PACSIN2: variants seen among roughly 807,000 people sequenced by gnomAD.
PACSIN2 encodes protein kinase C and casein kinase substrate in neurons protein 2.
Under a neutral mutation model 63.8 loss-of-function variants are expected in PACSIN2, and 25 were observed. The ratio of observed to expected loss-of-function variants is 0.39; its 90% CI spans 0.29 to 0.55. The LOEUF (loss-of-function observed/expected upper bound fraction) is 0.55. PACSIN2 is among the 20% of genes least tolerant of loss of function. The probability of loss-of-function intolerance (pLI) is 0.62; values close to 1 mark genes in which losing one functional copy is unlikely to be tolerated. For synonymous variants in PACSIN2, 255 were observed against 256.2 expected (o/e 1.00, Z 0.05); for missense variants, 518 against 646.9 (o/e 0.80, Z 2.16).
intron 1 of PACSIN2, among the ~76,000 whole-genome samples, chr22:42,913,339 C>T (rs1226411593): frequency 3.9e-5 from 6 of 152,036 alleles, no homozygotes; most frequent in Admixed American, 3.3e-4. Context: ...ATTAGCCAAG[C>T]GTGGTGGCAT....
intron 1 of PACSIN2, among the ~76,000 whole-genome samples, chr22:42,967,793 C>A (rs1920983942): frequency 6.6e-6 from 1 of 152,148 alleles, no homozygotes; most frequent in Non-Finnish European, 1.5e-5. Flanking sequence ...GAGGCTGAGG[C>A]AGGAGAATGG....
intron 1 of PACSIN2, among the ~76,000 whole-genome samples, chr22:42,991,602 A>G (rs2146904110): frequency 6.6e-6 from 1 of 152,358 alleles, no homozygotes. Flanking sequence ...ATCCAATGAT[A>G]GAGCTCCTGC....
intron 1 of PACSIN2, among the ~76,000 whole-genome samples, chr22:42,918,823 T>C (rs975170067): frequency 2.6e-5 from 4 of 152,188 alleles, no homozygotes; most frequent in Non-Finnish European, 5.9e-5. Context: ...TGTCAGGAAG[T>C]ACTACTATAA....
chr22:42,885,793 C>T (rs149230027), intron 5 of PACSIN2, among the ~76,000 whole-genome samples: 4 of 152,244 alleles, frequency 2.6e-5, no homozygotes, highest in African/African-American at 9.6e-5. Flanking sequence ...TGCTTCTCAG[C>T]CTCCTAAGAT....
At chr22:42,919,314 A>T (rs1932011354) in intron 1 of PACSIN2, among the ~76,000 whole-genome samples, 1 of 152,138 alleles carries the variant, frequency 6.6e-6, no homozygotes, top group Admixed American at 6.5e-5. Context: ...CTCCCAGGGT[A>T]TTAAGAGGCT....
At chr22:42,997,871 ACT>A (rs1343594869) in intron 1 of PACSIN2, among the ~76,000 whole-genome samples, 1 of 152,144 alleles carries the variant, frequency 6.6e-6, no homozygotes, top group Non-Finnish European at 1.5e-5. Context: ...ACAGGGCAAG[ACT>A]CTGTCTCAAA....
In PACSIN2 at chr22:42,884,409, G is replaced by C. The variant is rs760960785; in HGVS notation, c.762C>G (p.His254Gln). 1 of 1,614,188 alleles carries C rather than the reference G, an allele frequency of 6.2e-7. No individual in the cohort carries two copies. Among genetic ancestry groups the C allele is most frequent in the Admixed American group, 1.7e-5 (1 of 60,020 alleles). The change falls in exon 6 of 11, where the codon CAC (histidine) becomes CAG (glutamine). Residue 254 changes from histidine to glutamine, a missense_variant. This residue lies in a region of PACSIN2 where 507 missense variants were observed against 612.3 expected (regional missense o/e 0.83). Transcript: ENST00000263246. ...FREVLLEVQK[H>Q]LDLSNVAGYK... ...ACCCAGCCACATTGGACAGGTCTAG[G>C]TGCTTCTGAACCTCCAGCAGAACCT...
intron 1 of PACSIN2, among the ~76,000 whole-genome samples, chr22:42,930,929 G>A (rs932319746): frequency 2.0e-5 from 3 of 152,344 alleles, no homozygotes; most frequent in East Asian, 1.9e-4. Flanking sequence ...AAGACACCAA[G>A]GAAAGGCAGA....
chr22:42,951,688 T>C (rs1009173412), intron 1 of PACSIN2, among the ~76,000 whole-genome samples: 1 of 152,206 alleles, frequency 6.6e-6, no homozygotes, highest in Non-Finnish European at 1.5e-5. Flanking sequence ...AGCCAGAATG[T>C]GGCCGCTTCA....
At chr22:42,961,470 CT>C (rs1397074147) in intron 1 of PACSIN2, among the ~76,000 whole-genome samples, 29 of 100,086 alleles carry the variant, frequency 2.9e-4, no homozygotes, top group African/African-American at 1.2e-3. Context: ...AAAAAAAAAT[CT>C]TGTGTTTAGA....
At chr22:42,890,505 G>A (rs1395860408) in intron 4 of PACSIN2, among the ~76,000 whole-genome samples, 1 of 151,878 alleles carries the variant, frequency 6.6e-6, no homozygotes, top group Non-Finnish European at 1.5e-5. Context: ...ATCACCTGAG[G>A]TCAAGAGTTC....
At position 42,871,798 on chromosome 22, in the gene PACSIN2, C is replaced by T. The variant is rs959221999; in HGVS notation, c.1349-329G>A. Among the ~76,000 whole-genome samples, 4 of 152,070 alleles carry T rather than the reference C, an allele frequency of 2.6e-5. No individual in the cohort carries two copies. The highest frequency in any genetic ancestry group is 3.9e-4 in the East Asian group (2 of 5,170). On this transcript the variant is annotated intron_variant, in intron 10 of 10. Coordinates refer to ENST00000263246, the MANE Select transcript of PACSIN2 (RefSeq NM_001184970.3). This position sits in a 1 kb window ranked among gnomAD's most constrained non-coding sequence, Gnocchi z 5.4. The stretch of plus-strand genomic sequence containing the variant: ...ACCACCCTGGCCAGGTGGCAGGAAT[C>T]GTCCCTCGGTTGTGCCCCTCCCTCA...
chr22:42,983,489 CAA>C (rs775403003), intron 1 of PACSIN2, among the ~76,000 whole-genome samples: 2 of 82,296 alleles, frequency 2.4e-5, no homozygotes, highest in African/African-American at 9.9e-5. Context: ...GACTCCATCT[CAA>C]AAAAAAAAAA....
In PACSIN2 at chr22:42,937,783, C is replaced by T. The variant is rs150218408; in HGVS notation, c.-77-25626G>A. On this transcript the variant is annotated intron_variant, in intron 1 of 10. Coordinates refer to ENST00000263246, the MANE Select transcript of PACSIN2 (RefSeq NM_001184970.3). Reference sequence around the variant, plus strand: ...CCCTTTCCATGGCACCCATGCAGCTCCGAGAACAGCAAAGTCCAGCATCCC... The same window carrying T: ...CCCTTTCCATGGCACCCATGCAGCTTCGAGAACAGCAAAGTCCAGCATCCC... 4.5e-3 allele frequency among the ~76,000 whole-genome samples: 690 copies of T among 152,304 alleles called. 4 individuals carry two copies. Among genetic ancestry groups the T allele is most frequent in the Non-Finnish European group, 4.9e-3 (335 of 68,022 alleles).
chr22:42,966,908 G>A (rs1461999251), intron 1 of PACSIN2, among the ~76,000 whole-genome samples: 1 of 152,190 alleles, frequency 6.6e-6, no homozygotes, highest in Non-Finnish European at 1.5e-5. Context: ...TTATGTTAAT[G>A]TTTTATCGGT....
At chr22:42,935,327 T>C (rs2146787168) in intron 1 of PACSIN2, among the ~76,000 whole-genome samples, 1 of 152,200 alleles carries the variant, frequency 6.6e-6, no homozygotes, top group African/African-American at 2.4e-5. Context: ...TCCCCTGACC[T>C]AACTCACCAT....
At chr22:42,923,529 G>A (rs941136797) in intron 1 of PACSIN2, among the ~76,000 whole-genome samples, 16 of 152,108 alleles carry the variant, frequency 1.1e-4, no homozygotes, top group African/African-American at 3.9e-4. Flanking sequence ...CCGGGTTCAC[G>A]CCATTCTCCT....
At chr22:42,964,190 C>T (rs1016652763) in intron 1 of PACSIN2, among the ~76,000 whole-genome samples, 2 of 152,112 alleles carry the variant, frequency 1.3e-5, no homozygotes, top group African/African-American at 4.8e-5. Context: ...GGCCAAGGTG[C>T]GCAGATCACT....
At chr22:42,917,891 C>T (rs547393226) in intron 1 of PACSIN2, among the ~76,000 whole-genome samples, 1 of 152,246 alleles carries the variant, frequency 6.6e-6, no homozygotes, top group South Asian at 2.1e-4. Context: ...TCCCAAGTAG[C>T]TAGGACTACA....
Sources: gnomAD v4.1 joint callset for allele counts (sites outside exome capture counted in the v4.1 genomes callset) on GRCh38, gnomAD v4.1.1 for gene constraint, gnomAD v4.1.1 regional missense constraint, Gnocchi (gnomAD v3.1) non-coding constraint, MANE v1.5 for transcripts, NCBI Gene and HGNC (gene_info 2026-07-23, HGNC 2026-07-21) for gene names.